The following ZNF600 variants were observed in gnomAD, a reference collection of about 807,000 sequenced individuals.
ZNF600 encodes zinc finger protein 600.
In ZNF600, 4 loss-of-function variants were observed where a neutral mutation model predicts 7.3. That is an observed-to-expected ratio of 0.55 (90% CI 0.27 to 1.25). The LOEUF is 1.25. ZNF600 is among the 50% of genes most tolerant of loss of function. The probability of loss-of-function intolerance (pLI) is 0.12; values close to 1 mark genes in which losing one functional copy is unlikely to be tolerated. For missense variants in ZNF600, 911 were observed against 922.1 expected, an observed-to-expected ratio of 0.99 and a Z score of 0.16; for synonymous variants, 290 against 308.9, an observed-to-expected ratio of 0.94 and a Z score of 0.64.
intron 1 of ZNF600, among the ~76,000 whole-genome samples, chr19:52,782,065 T>C (rs559822174): frequency 4.0e-5 from 6 of 149,954 alleles, no homozygotes; most frequent in East Asian, 4.0e-4. Context: ...TAAATAAATA[T>C]ATATATCTAA....
the ZNF600 span, among the ~76,000 whole-genome samples, chr19:52,825,326 T>A: frequency 6.6e-6 from 1 of 152,096 alleles, no homozygotes; most frequent in East Asian, 1.9e-4. Flanking sequence ...CTATCTTGCT[T>A]CCTACCTTGA....
intron 3 of ZNF600, among the ~76,000 whole-genome samples, chr19:52,770,315 A>G (rs7253627): frequency 0.042 from 6,456 of 152,198 alleles, 440 homozygotes; most frequent in African/African-American, 0.14. Flanking sequence ...GGTGGCAGAC[A>G]CCTGTAATCT....
At chr19:52,786,111 G>T (rs979956919) in intron 1 of ZNF600, among the ~76,000 whole-genome samples, 3 of 152,140 alleles carry the variant, frequency 2.0e-5, no homozygotes, top group African/African-American at 7.2e-5. Context: ...GGCGGGTTTG[G>T]AGTAAGACGC....
the ZNF600 span, among the ~76,000 whole-genome samples, chr19:52,791,934 G>A: frequency 1.3e-5 from 2 of 152,200 alleles, no homozygotes; most frequent in Admixed American, 1.3e-4. Flanking sequence ...CTCAGAAATG[G>A]AGGACTCAGA....
At chr19:52,824,075 A>C in the ZNF600 span, among the ~76,000 whole-genome samples, 1 of 151,574 alleles carries the variant, frequency 6.6e-6, no homozygotes, top group Non-Finnish European at 1.5e-5. Context: ...CAAAAACAAA[A>C]AATAAATAAT....
chr19:52,810,441 T>C, the ZNF600 span: 2 of 1,598,866 alleles, frequency 1.3e-6, no homozygotes, highest in African/African-American at 1.3e-5. Context: ...AGGGTTTGCA[T>C]ATATAGAGTT....
the ZNF600 span, chr19:52,810,572 C>T: frequency 4.4e-6 from 7 of 1,592,998 alleles, no homozygotes; most frequent in South Asian, 7.7e-5. Flanking sequence ...CCGGGGTCTT[C>T]CACGAGCCCG....
chr19:52,821,303 A>C, the ZNF600 span, among the ~76,000 whole-genome samples: 3,467 of 152,212 alleles, frequency 0.023, 135 homozygotes, highest in African/African-American at 0.079. Flanking sequence ...CTTTAAAAAG[A>C]GCCGTGCGGA....
the ZNF600 span, among the ~76,000 whole-genome samples, chr19:52,826,338 A>G: frequency 2.8e-4 from 43 of 152,164 alleles, no homozygotes; most frequent in Non-Finnish European, 5.9e-5. Flanking sequence ...TGGGAGTCCA[A>G]GATGGATGGA....
chr19:52,800,159 G>A, the ZNF600 span: 1 of 1,613,538 alleles, frequency 6.2e-7, no homozygotes, highest in Non-Finnish European at 8.5e-7. Context: ...TGTGTGATTT[G>A]CGACTGAAAA....
Position 52,768,549 on chromosome 19 carries a change from T to G in ZNF600, c.191-777A>C, listed in dbSNP as rs114561086. ...GGCACTTAATGACTTTTCAAAAAATTTTTGTATTTTTATTTTTTTGAGATG... is the reference window on the plus strand; with the variant it reads ...GGCACTTAATGACTTTTCAAAAAATGTTTGTATTTTTATTTTTTTGAGATG... On this transcript the variant is annotated intron_variant, in intron 3 of 3. Transcript: ENST00000648973. 9.1e-3 allele frequency among the ~76,000 whole-genome samples: 1,380 copies of G among 152,134 alleles called. 34 individuals carry two copies. The highest frequency in any genetic ancestry group is 0.032 in the African/African-American group (1,313 of 41,500).
intron 1 of ZNF600, among the ~76,000 whole-genome samples, chr19:52,779,306 C>G (rs770662946): frequency 1.3e-5 from 2 of 152,180 alleles, no homozygotes; most frequent in Non-Finnish European, 2.9e-5. Flanking sequence ...CAAGCACCTG[C>G]GCCACTGCAG....
At chr19:52,818,489 G>T in the ZNF600 span, among the ~76,000 whole-genome samples, 1 of 152,072 alleles carries the variant, frequency 6.6e-6, no homozygotes, top group Non-Finnish European at 1.5e-5. Flanking sequence ...GAGGTGGGTG[G>T]ATTACTTGAG....
chr19:52,779,022 CT>C (rs2062699280), intron 1 of ZNF600, 115 bp from the exon 4 acceptor site: 1 of 905,494 alleles, frequency 1.1e-6, no homozygotes, highest in Admixed American at 2.8e-5. Flanking sequence ...CCACCGCCCA[CT>C]GCACCAGAGA....
At chr19:52,797,432 A>C in the ZNF600 span, 1 of 152,264 alleles carries the variant, frequency 6.6e-6, no homozygotes, top group African/African-American at 2.4e-5. Context: ...GTCAAATTTT[A>C]TTTGTTTGTA....
At chr19:52,786,764 G>A (rs1466546450) in exon 1 of ZNF600, 4 of 309,078 alleles carry the variant, frequency 1.3e-5, no homozygotes, top group Non-Finnish European at 2.7e-5. Flanking sequence ...CACGCGATCC[G>A]CTTCCGGGTT....
the ZNF600 span, among the ~76,000 whole-genome samples, chr19:52,824,233 A>T: frequency 1.3e-5 from 2 of 152,154 alleles, no homozygotes; most frequent in African/African-American, 4.8e-5. Flanking sequence ...AAACAAAGGA[A>T]ATGCCTCCTC....
chr19:52,788,661 T>C (rs943200024), upstream of ZNF600, among the ~76,000 whole-genome samples: 8 of 152,052 alleles, frequency 5.3e-5, no homozygotes, highest in African/African-American at 1.2e-4. Flanking sequence ...AGGACACAGA[T>C]CTTCAGGGCA....
chr19:52,812,179 T>TGGGA, the ZNF600 span, among the ~76,000 whole-genome samples: 38 of 111,270 alleles, frequency 3.4e-4, 3 homozygotes, highest in Middle Eastern at 5.6e-3. Context: ...CCGCCCCATC[T>TGGGA]GGGAGGTGAG....
Sources: allele counts gnomAD v4.1 joint callset (sites outside exome capture counted in the v4.1 genomes callset), GRCh38; gene constraint gnomAD v4.1.1; transcripts MANE v1.5; gene names NCBI Gene and HGNC (gene_info 2026-07-23, HGNC 2026-07-21).